Variants in LRP5 observed in about 807,000 individuals in gnomAD.
LRP5 encodes low-density lipoprotein receptor-related protein 5.
A neutral mutation model predicts 154.1 loss-of-function variants in LRP5; 62 were observed. The ratio of observed to expected loss-of-function variants is 0.40; its 90% CI spans 0.33 to 0.50. The LOEUF is 0.50. Among genes scored for constraint, LRP5 ranks in the 20% least tolerant of loss-of-function variants. The probability of loss-of-function intolerance (pLI) is 0.55; values close to 1 mark genes in which losing one functional copy is unlikely to be tolerated. For synonymous variants in LRP5, 966 were observed against 1,011.5 expected (o/e 0.96, Z 0.85); for missense variants, 1,915 against 2,336.7 (o/e 0.82, Z 3.72).
At chr11:68,365,243 C>T (rs1195555732) in intron 4 of LRP5, among the ~76,000 whole-genome samples, 1 of 136,146 alleles carries the variant, frequency 7.3e-6, no homozygotes, top group Non-Finnish European at 1.6e-5. Flanking sequence ...GTGTTCTAGT[C>T]ATAGGAGCTT....
chr11:68,425,881 T>A, intron 15 of LRP5, 97 bp from the exon 16 acceptor site: 1 of 1,085,798 alleles, frequency 9.2e-7, no homozygotes, highest in Non-Finnish European at 1.4e-6. Flanking sequence ...TCCCCCAGGC[T>A]CCCTGGCAGT....
chr11:68,355,776 C>T (rs1314556793), intron 2 of LRP5, among the ~76,000 whole-genome samples: 2 of 152,052 alleles, frequency 1.3e-5, no homozygotes, highest in South Asian at 2.1e-4. Context: ...AGCAAAGCCA[C>T]GTCGCCCACA....
chr11:68,408,612 C>T (rs948419466), intron 9 of LRP5, among the ~76,000 whole-genome samples: 1 of 152,128 alleles, frequency 6.6e-6, no homozygotes, highest in Non-Finnish European at 1.5e-5. Flanking sequence ...ACGCAGAATT[C>T]TGTATCCTGA....
intron 1 of LRP5, among the ~76,000 whole-genome samples, chr11:68,340,273 GA>G (rs1312872003): frequency 1.3e-5 from 2 of 152,172 alleles, no homozygotes; most frequent in African/African-American, 4.8e-5. Flanking sequence ...TAAAAGGAAT[GA>G]TCACTTCCTG....
At chr11:68,376,750 TC>T (rs901512571) in intron 5 of LRP5, among the ~76,000 whole-genome samples, 2 of 152,236 alleles carry the variant, frequency 1.3e-5, no homozygotes, top group Non-Finnish European at 2.9e-5. Context: ...GTGCCTGGGT[TC>T]AGAAAGGCAC....
At chr11:68,375,582 G>A in intron 5 of LRP5, among the ~76,000 whole-genome samples, 1 of 152,334 alleles carries the variant, frequency 6.6e-6, no homozygotes, top group East Asian at 1.9e-4. Flanking sequence ...AGTGTGGCAG[G>A]TGCACCAGGC....
rs905883694 is a variant in LRP5, at chr11:68,353,274, C to G, written c.489-4376C>G. Among the ~76,000 whole-genome samples the G allele has an allele frequency of 6.6e-6, 1 of 152,188 alleles. No homozygotes were observed. The highest frequency in any genetic ancestry group is 2.4e-5 in the African/African-American group (1 of 41,454). ...GCAAAGTTGACCTTAGTGTTGATTCCTGGGCCTCTCCCCACACCTTCCCTT... is the reference window on the plus strand; with the variant it reads ...GCAAAGTTGACCTTAGTGTTGATTCGTGGGCCTCTCCCCACACCTTCCCTT... On this transcript the variant is annotated intron_variant, in intron 2 of 22. Transcript: ENST00000294304. The surrounding 1 kb of genome is among the most constrained non-coding windows in gnomAD (Gnocchi z 4.5).
At chr11:68,431,641 TG>T (rs2098671974) in intron 17 of LRP5, among the ~76,000 whole-genome samples, 1 of 152,196 alleles carries the variant, frequency 6.6e-6, no homozygotes, top group South Asian at 2.1e-4. Flanking sequence ...ACCTCGAGTT[TG>T]GCCGTAAGCA....
rs866870501 is a variant in LRP5, at chr11:68,448,914, G to A, written c.4692G>A (p.Leu1564=). The change falls in exon 23 of 23, where the codon CTG becomes CTA. Residue 1564 remains leucine, a synonymous_variant. Coordinates refer to ENST00000294304, the MANE Select transcript of LRP5 (RefSeq NM_002335.4). ...ASRWKASKYY[L]DLNSDSDPYP... ...GCTGGAAGGCCAGCAAGTACTACCT[G>A]GATTTGAACTCGGACTCAGACCCCT... is the stretch of plus-strand genomic sequence containing the variant. 2 of 1,613,574 alleles carry A rather than the reference G, an allele frequency of 1.2e-6. No homozygotes were observed. Among genetic ancestry groups the A allele is most frequent in the Admixed American group, 1.7e-5 (1 of 59,980 alleles).
chr11:68,432,909 G>C (rs780389226), intron 17 of LRP5, among the ~76,000 whole-genome samples: 1 of 152,196 alleles, frequency 6.6e-6, no homozygotes, highest in African/African-American at 2.4e-5. Context: ...GGCCTCCATG[G>C]TCACACGTAG....
intron 5 of LRP5, among the ~76,000 whole-genome samples, chr11:68,366,948 G>A (rs1318078189): frequency 6.6e-6 from 1 of 151,238 alleles, no homozygotes; most frequent in Non-Finnish European, 1.5e-5. Flanking sequence ...TGGGGACCCC[G>A]CGGTGCAGAC....
At chr11:68,305,623 A>G in the LRP5 span, among the ~76,000 whole-genome samples, 2 of 151,970 alleles carry the variant, frequency 1.3e-5, no homozygotes, top group African/African-American at 2.4e-5. Flanking sequence ...TCATATTTTC[A>G]GTAGAAATGG....
In LRP5 at chr11:68,439,879, G is replaced by C; in HGVS notation, c.4451G>C (p.Ser1484Thr). The C allele has an allele frequency of 6.3e-7, 1 of 1,585,360 alleles. No individual in the cohort carries two copies. The highest frequency in any genetic ancestry group is 1.3e-5 in the African/African-American group (1 of 74,654). ...AACCACGTCACAGGGGCCTCGTCCA[G>C]CAGCTCGTCCAGCACGAAGGCCACG... ...DRNHVTGASS[S>T]SSSSTKATLY... Residue 1484 changes from serine to threonine, a missense_variant, in exon 21 of 23, where the codon AGC becomes ACC. This residue lies in a region of LRP5 where 1,094 missense variants were observed against 1,210.1 expected (regional missense o/e 0.90). Coordinates refer to ENST00000294304, the MANE Select transcript of LRP5 (RefSeq NM_002335.4).
At chr11:68,335,621 A>G (rs182990268) in intron 1 of LRP5, among the ~76,000 whole-genome samples, 29 of 152,276 alleles carry the variant, frequency 1.9e-4, no homozygotes, top group African/African-American at 6.5e-4. Context: ...TTCATGGCCA[A>G]CTACGCTATA....
chr11:68,409,633 G>A (rs1322971903), intron 9 of LRP5, among the ~76,000 whole-genome samples: 1 of 151,794 alleles, frequency 6.6e-6, no homozygotes, highest in African/African-American at 2.4e-5. Context: ...GATCAACTGA[G>A]GTCTGGATTT....
In LRP5 at chr11:68,424,936, C is replaced by T. The variant is rs74585752; in HGVS notation, c.3237-166C>T. Among the ~76,000 whole-genome samples, 506 of 152,304 alleles carry T rather than the reference C, an allele frequency of 3.3e-3. 3 individuals carry two copies. The highest frequency in any genetic ancestry group is 9.3e-3 in the South Asian group (45 of 4,826). Reference sequence around the variant, plus strand: ...TCACATTCTGAGGTTCTGGGGTGAGCGGGAATTTGGAGAGCATTGTTCAAC... The same window carrying T: ...TCACATTCTGAGGTTCTGGGGTGAGTGGGAATTTGGAGAGCATTGTTCAAC... On this transcript the variant is annotated intron_variant, in intron 14 of 22. Transcript: ENST00000294304.
At chr11:68,427,960 ATTTTATTTTATTTTT>A (rs1295898189) in intron 16 of LRP5, among the ~76,000 whole-genome samples, 4 of 82,254 alleles carry the variant, frequency 4.9e-5, no homozygotes, top group Middle Eastern at 6.4e-3. Flanking sequence ...ATTTTATTTT[ATTTTATTTTATTTTT>A]TTTATTTATT....
chr11:68,431,854 C>T (rs1014328380), intron 17 of LRP5, among the ~76,000 whole-genome samples: 13 of 147,862 alleles, frequency 8.8e-5, no homozygotes, highest in Admixed American at 2.1e-4. Context: ...AGGCCATGCC[C>T]TTCCATCCAC....
At chr11:68,324,296 G>C (rs907980604) in intron 1 of LRP5, among the ~76,000 whole-genome samples, 1 of 152,246 alleles carries the variant, frequency 6.6e-6, no homozygotes, top group Non-Finnish European at 1.5e-5. Flanking sequence ...ACAGATCCCC[G>C]GGACCTAGTG....
Sources: allele counts gnomAD v4.1 joint callset (sites outside exome capture counted in the v4.1 genomes callset), GRCh38; gene constraint gnomAD v4.1.1; regional missense constraint gnomAD v4.1.1; non-coding constraint Gnocchi (gnomAD v3.1); transcripts MANE v1.5; gene names NCBI Gene and HGNC (gene_info 2026-07-23, HGNC 2026-07-21).